Variants in ACTR3C observed in about 807,000 individuals in gnomAD.
ACTR3C encodes actin-related protein 3C.
In ACTR3C, 18 loss-of-function variants were observed where a neutral mutation model predicts 26.3. That is an observed-to-expected ratio of 0.68 (90% CI 0.47 to 1.01). The LOEUF (loss-of-function observed/expected upper bound fraction) is 1.01. Ranked by LOEUF, ACTR3C falls within the 50% of genes least tolerant of loss-of-function variation. The probability of loss-of-function intolerance (pLI) is 0.00; values close to 1 mark genes in which losing one functional copy is unlikely to be tolerated. For missense variants in ACTR3C, 184 were observed against 250.7 expected, an observed-to-expected ratio of 0.73 and a Z score of 1.80; for synonymous variants, 55 against 94.5, an observed-to-expected ratio of 0.58 and a Z score of 2.42.
At chr7:150,231,173 T>G in the ACTR3C span, among the ~76,000 whole-genome samples, 1 of 152,210 alleles carries the variant, frequency 6.6e-6, no homozygotes, top group African/African-American at 2.4e-5. Context: ...TATATTTCTC[T>G]TGAGCCTACT....
At chr7:150,188,991 ATGC>A in the ACTR3C span, among the ~76,000 whole-genome samples, 1 of 150,608 alleles carries the variant, frequency 6.6e-6, no homozygotes, top group Non-Finnish European at 1.5e-5. Context: ...TAATGCCCAC[ATGC>A]TTTTTAAAAC....
the ACTR3C span, among the ~76,000 whole-genome samples, chr7:150,215,893 T>C: frequency 2.0e-5 from 3 of 152,216 alleles, no homozygotes; most frequent in Non-Finnish European, 2.9e-5. Flanking sequence ...GGCCACAATA[T>C]GTAATCTGTA....
At chr7:150,256,004 A>T (rs545482922) in intron 6 of ACTR3C, among the ~76,000 whole-genome samples, 54 of 152,256 alleles carry the variant, frequency 3.5e-4, no homozygotes, top group Non-Finnish European at 7.8e-4. Flanking sequence ...GAAATACAAA[A>T]CAGGGAAACA....
At chr7:149,955,207 G>A in the ACTR3C span, among the ~76,000 whole-genome samples, 1 of 152,262 alleles carries the variant, frequency 6.6e-6, no homozygotes, top group Non-Finnish European at 1.5e-5. Flanking sequence ...CCATCTGCAT[G>A]AGCTGCGTGG....
chr7:150,033,936 G>A, the ACTR3C span, among the ~76,000 whole-genome samples: 2 of 151,272 alleles, frequency 1.3e-5, no homozygotes, highest in Admixed American at 6.6e-5. Context: ...CCCCCCCTGC[G>A]ATGGGGGTGC....
the ACTR3C span, among the ~76,000 whole-genome samples, chr7:149,916,778 C>T: frequency 6.7e-6 from 1 of 149,572 alleles, no homozygotes; most frequent in Admixed American, 6.7e-5. Context: ...AAACTCACAC[C>T]ACCTTCCATG....
At chr7:150,237,998 C>T in the ACTR3C span, among the ~76,000 whole-genome samples, 13 of 150,146 alleles carry the variant, frequency 8.7e-5, 1 homozygote, top group East Asian at 1.8e-3. Flanking sequence ...CCACTCCCCG[C>T]ATAGTGTTCT....
At chr7:150,202,441 C>G in the ACTR3C span, among the ~76,000 whole-genome samples, 1 of 151,912 alleles carries the variant, frequency 6.6e-6, no homozygotes, top group Non-Finnish European at 1.5e-5. Flanking sequence ...AGAAACTCAG[C>G]ATGTGTGAAT....
the ACTR3C span, among the ~76,000 whole-genome samples, chr7:150,114,915 CTG>C: frequency 6.6e-6 from 1 of 152,038 alleles, no homozygotes; most frequent in Admixed American, 6.6e-5. Flanking sequence ...TGGCCCCAAA[CTG>C]TTGCCCAAGT....
the ACTR3C span, among the ~76,000 whole-genome samples, chr7:150,142,236 C>A: frequency 6.6e-6 from 1 of 152,174 alleles, no homozygotes; most frequent in South Asian, 2.1e-4. Context: ...ACATTCCCAG[C>A]CTGCCTTGCA....
At chr7:150,138,626 C>T in the ACTR3C span, among the ~76,000 whole-genome samples, 1 of 152,252 alleles carries the variant, frequency 6.6e-6, no homozygotes, top group Non-Finnish European at 1.5e-5. Context: ...CAAAGTGATG[C>T]CACCACCATT....
chr7:150,043,891 G>A, the ACTR3C span, among the ~76,000 whole-genome samples: 1 of 152,216 alleles, frequency 6.6e-6, no homozygotes, highest in African/African-American at 2.4e-5. Context: ...CACATTAACA[G>A]AATGTTGACA....
the ACTR3C span, among the ~76,000 whole-genome samples, chr7:149,928,535 G>A: frequency 2.0e-5 from 3 of 151,710 alleles, no homozygotes; most frequent in African/African-American, 7.3e-5. Context: ...CTCAAAAAAT[G>A]AAGACATATC....
chr7:150,269,495 A>G (rs1015110213), intron 6 of ACTR3C, among the ~76,000 whole-genome samples: 1 of 150,644 alleles, frequency 6.6e-6, no homozygotes, highest in Non-Finnish European at 1.5e-5. Context: ...ATTAGAGGGT[A>G]ATGGCGTCAG....
chr7:150,054,985 C>A, the ACTR3C span, among the ~76,000 whole-genome samples: 1 of 152,206 alleles, frequency 6.6e-6, no homozygotes, highest in Non-Finnish European at 1.5e-5. Flanking sequence ...CAATTTCTTG[C>A]TCCTTTTGGT....
the ACTR3C span, among the ~76,000 whole-genome samples, chr7:149,964,285 G>A: frequency 4.5e-3 from 678 of 152,142 alleles, no homozygotes; most frequent in African/African-American, 0.016. Context: ...TTTAGGCAGT[G>A]GAAACCCACT....
At chr7:150,234,989 G>T in the ACTR3C span, among the ~76,000 whole-genome samples, 1 of 152,142 alleles carries the variant, frequency 6.6e-6, no homozygotes. Context: ...AGTCTATCAG[G>T]TATATCTTCT....
At chr7:149,970,613 T>A in the ACTR3C span, among the ~76,000 whole-genome samples, 3 of 152,208 alleles carry the variant, frequency 2.0e-5, no homozygotes, top group African/African-American at 7.2e-5. Flanking sequence ...GTCACCCTAC[T>A]TAAAGGTCGA....
the ACTR3C span, among the ~76,000 whole-genome samples, chr7:150,129,170 A>G: frequency 1.3e-5 from 2 of 151,952 alleles, no homozygotes; most frequent in Non-Finnish European, 2.9e-5. Context: ...CATAGAACGC[A>G]TGCAAGGAAG....
Sources: allele counts gnomAD v4.1 joint callset (sites outside exome capture counted in the v4.1 genomes callset), GRCh38; gene constraint gnomAD v4.1.1; transcripts MANE v1.5; gene names NCBI Gene and HGNC (gene_info 2026-07-23, HGNC 2026-07-21).